Variants in POLN observed in about 807,000 individuals in gnomAD.
POLN encodes the protein DNA polymerase nu, also known as DNA polymerase N.
In POLN, 108 loss-of-function variants were observed where a neutral mutation model predicts 113.5. The observed-to-expected ratio is 0.95, with a 90% CI of 0.81 to 1.12. The LOEUF (loss-of-function observed/expected upper bound fraction) is 1.12, where lower values mean the gene tolerates loss of function less well. Among genes scored for constraint, POLN ranks in the 50% most tolerant of loss-of-function variants. The pLI, the probability that POLN is intolerant of heterozygous loss-of-function variation, is 0.00. For missense variants in POLN, 1,097 were observed against 1,077.1 expected, an observed-to-expected ratio of 1.02 and a Z score of -0.26; for synonymous variants, 386 against 391.5, an observed-to-expected ratio of 0.99 and a Z score of 0.17.
At chr4:2,078,187 C>T (rs537234118) in intron 23 of POLN, among the ~76,000 whole-genome samples, 64 of 152,336 alleles carry the variant, frequency 4.2e-4, no homozygotes, top group African/African-American at 1.5e-3. Context: ...GGGGAGGGAC[C>T]GTCACAGCAC....
intron 13 of POLN, among the ~76,000 whole-genome samples, chr4:2,167,084 C>T (rs1732747754): frequency 6.6e-6 from 1 of 152,120 alleles, no homozygotes; most frequent in Non-Finnish European, 1.5e-5. Flanking sequence ...GAGCCAGGGC[C>T]ACAATAGTGT....
intron 16 of POLN, chr4:2,139,586 T>C (rs999703215): frequency 6.6e-6 from 1 of 152,216 alleles, no homozygotes; most frequent in Non-Finnish European, 1.5e-5. Flanking sequence ...ATGGCTCAGT[T>C]TACTCTAGAT....
At position 2,073,041 on chromosome 4, in the gene POLN, A is replaced by G. The variant is rs2108685227; in HGVS notation, c.2456-12T>C. On this transcript the variant is annotated splice_polypyrimidine_tract_variant and intron_variant, in intron 24 of 25. Coordinates refer to ENST00000511885, the MANE Select transcript of POLN (RefSeq NM_181808.4). The stretch of plus-strand genomic sequence containing the variant: ...CCTCCTGACGAGAGCTAGAGTGCGG[A>G]AGAGAGAGGAGGCCCTGCTGGTCTC... The G allele has an allele frequency of 1.9e-6, 3 of 1,612,936 alleles. No homozygotes were observed. In the East Asian group the frequency reaches 6.7e-5, roughly 36 times the overall value.
intron 16 of POLN, among the ~76,000 whole-genome samples, chr4:2,135,167 G>A (rs1236938278): frequency 6.6e-6 from 1 of 152,194 alleles, no homozygotes; most frequent in Non-Finnish European, 1.5e-5. Context: ...TGTCACAGGA[G>A]ACTCTCCATG....
At position 2,127,345 on chromosome 4, in the gene POLN, C is replaced by A. The variant is rs576754548; in HGVS notation, c.1982+768G>T. 6.6e-6 allele frequency among the ~76,000 whole-genome samples: 1 copy of A among 152,230 alleles called. No individual in the cohort carries two copies. The highest frequency in any genetic ancestry group is 2.4e-5 in the African/African-American group (1 of 41,540). On this transcript the variant is annotated intron_variant, in intron 19 of 25. Coordinates refer to ENST00000511885, the MANE Select transcript of POLN (RefSeq NM_181808.4). The surrounding 1 kb of genome is among the most constrained non-coding windows in gnomAD (Gnocchi z 4.7). Reference sequence around the variant, plus strand: ...CCGGTGAACACCTGTGATGTATAAGCCAAACACAATAATCCACTCCTCCTT... The same window carrying A: ...CCGGTGAACACCTGTGATGTATAAGACAAACACAATAATCCACTCCTCCTT...
chr4:2,100,178 G>C (rs1453800996), intron 19 of POLN, among the ~76,000 whole-genome samples: 1 of 152,016 alleles, frequency 6.6e-6, no homozygotes, highest in East Asian at 1.9e-4. Flanking sequence ...TAAAATTGCA[G>C]ATAAATAGTG....
At chr4:2,120,430 C>A (rs1043378269) in intron 19 of POLN, among the ~76,000 whole-genome samples, 3 of 151,942 alleles carry the variant, frequency 2.0e-5, no homozygotes, top group African/African-American at 7.3e-5. Context: ...GCATTTTATA[C>A]TTTTAGGCAT....
chr4:2,168,984 CAG>C (rs1732795384), intron 13 of POLN, among the ~76,000 whole-genome samples: 1 of 152,230 alleles, frequency 6.6e-6, no homozygotes, highest in Non-Finnish European at 1.5e-5. Context: ...GGTGAAGAAA[CAG>C]CTGTGACTTG....
At chr4:2,233,423 T>C (rs1010834162) in intron 2 of POLN, among the ~76,000 whole-genome samples, 1 of 146,046 alleles carries the variant, frequency 6.8e-6, no homozygotes, top group African/African-American at 2.7e-5. Context: ...CATATTTTAG[T>C]GATTCTTGGA....
At chr4:2,188,339 G>A (rs968307053) in intron 7 of POLN, among the ~76,000 whole-genome samples, 14 of 152,148 alleles carry the variant, frequency 9.2e-5, no homozygotes, top group African/African-American at 2.9e-4. Flanking sequence ...AGTGGCTCAC[G>A]CCTGTAATCC....
chr4:2,156,944 T>C (rs1242822622), intron 15 of POLN, 91 bp from the exon 16 acceptor site: 9 of 1,033,998 alleles, frequency 8.7e-6, no homozygotes, highest in Non-Finnish European at 1.2e-5. Flanking sequence ...CATGCAACAC[T>C]CGCTGCTCCT....
At chr4:2,088,932 G>C in intron 20 of POLN, 1 of 1,098,348 alleles carries the variant, frequency 9.1e-7, no homozygotes, top group Non-Finnish European at 1.3e-6. Context: ...AAAGCTGAAG[G>C]TCTAGCAGCA....
chr4:2,171,669 G>A (rs1033817198), intron 11 of POLN, among the ~76,000 whole-genome samples: 1 of 152,004 alleles, frequency 6.6e-6, no homozygotes, highest in African/African-American at 2.4e-5. Context: ...GCCAGGCACG[G>A]TGGTTCACAC....
intron 19 of POLN, among the ~76,000 whole-genome samples, chr4:2,109,015 G>T (rs1421810070): frequency 6.6e-6 from 1 of 152,070 alleles, no homozygotes; most frequent in Admixed American, 6.5e-5. Context: ...GCTTTGGAGG[G>T]TTTGTAGCGC....
Position 2,071,976 on chromosome 4 carries a change from C to A in POLN, c.*138G>T. 3 of 941,496 alleles carry A rather than the reference C, an allele frequency of 3.2e-6. No homozygotes were observed. The highest frequency in any genetic ancestry group is 5.2e-6 in the Non-Finnish European group (3 of 574,414). The allele number at this position is 941,496 out of a possible 1,614,324, so 58.3% of individuals were successfully genotyped here. ...AAGGATGAGGAGGGCTTTGCACAGG[C>A]ATTTACTCCAGGGGATGGCGGGCCA... On this transcript the variant is annotated 3_prime_UTR_variant, in exon 26 of 26. Coordinates refer to ENST00000511885, the MANE Select transcript of POLN (RefSeq NM_181808.4). This position sits in a 1 kb window ranked among gnomAD's most constrained non-coding sequence, Gnocchi z 5.2.
At chr4:2,118,211 G>C (rs1731362207) in intron 19 of POLN, among the ~76,000 whole-genome samples, 1 of 152,196 alleles carries the variant, frequency 6.6e-6, no homozygotes, top group Non-Finnish European at 1.5e-5. Context: ...CCAACTGTAA[G>C]GATTTTGGGG....
intron 24 of POLN, among the ~76,000 whole-genome samples, chr4:2,074,251 C>T (rs1020033436): frequency 2.0e-5 from 3 of 152,186 alleles, no homozygotes; most frequent in African/African-American, 7.2e-5. Flanking sequence ...GGCAGAGATG[C>T]TGGGCGCTAC....
At chr4:2,072,450 C>G in intron 25 of POLN, 151 bp from the exon 26 acceptor site, 1 of 660,408 alleles carries the variant, frequency 1.5e-6, no homozygotes, top group Non-Finnish European at 2.5e-6. Flanking sequence ...TGTGCATACA[C>G]GTGCACACTC....
chr4:2,137,776 C>A lies in POLN; in HGVS notation c.1732-6486G>T, dbSNP rs561123252. Among the ~76,000 whole-genome samples the A allele has an allele frequency of 2.6e-5, 4 of 152,108 alleles. No homozygotes were observed. In the South Asian group the frequency reaches 6.2e-4, roughly 24 times the overall value. On this transcript the variant is annotated intron_variant, in intron 16 of 25. Transcript: ENST00000511885. ...TCTGTATCGTTTCTCATTCCACATG[C>A]GTATTGGCTGTCTCATGCCCTCTAT...
Sources: allele counts gnomAD v4.1 joint callset (sites outside exome capture counted in the v4.1 genomes callset), GRCh38; gene constraint gnomAD v4.1.1; non-coding constraint Gnocchi (gnomAD v3.1); transcripts MANE v1.5; gene names NCBI Gene and HGNC (gene_info 2026-07-23, HGNC 2026-07-21).